Variants in WAC observed in about 807,000 individuals in gnomAD.
The protein encoded by WAC is WW domain containing adaptor with coiled-coil, also known as WW domain-containing adapter protein with coiled-coil.
In WAC, 11 loss-of-function variants were observed where a neutral mutation model predicts 79.6. The observed-to-expected ratio is 0.14, with a 90% CI of 0.09 to 0.23. The LOEUF (loss-of-function observed/expected upper bound fraction) is 0.23. Among genes scored for constraint, WAC ranks in the 10% least tolerant of loss-of-function variants. The pLI, the probability that WAC is intolerant of heterozygous loss-of-function variation, is 1.00. For missense variants in WAC, 728 were observed against 773.5 expected (o/e 0.94, Z 0.70); for synonymous variants, 304 against 276.9 (o/e 1.10, Z -0.97).
chr10:28,533,930 T>G, intron 1 of WAC, 68 bp from the exon 2 acceptor site: 1 of 1,573,122 alleles, frequency 6.4e-7, no homozygotes, highest in Admixed American at 1.8e-5. Context: ...GGGGGCCCCG[T>G]TTTCTTCCTC....
At chr10:28,612,342 A>G (rs1841281187) in intron 10 of WAC, among the ~76,000 whole-genome samples, 2 of 152,212 alleles carry the variant, frequency 1.3e-5, no homozygotes, top group African/African-American at 4.8e-5. Flanking sequence ...CGTGAGAATC[A>G]CTTGCTTTAT....
intron 4 of WAC, among the ~76,000 whole-genome samples, chr10:28,588,189 T>A (rs903297421): frequency 3.9e-5 from 6 of 152,088 alleles, no homozygotes; most frequent in African/African-American, 1.4e-4. Flanking sequence ...TGCATAATAA[T>A]TTATGTATAG....
chr10:28,595,877 C>T lies in WAC; in HGVS notation c.755C>T (p.Pro252Leu). ...SSTPVQHPIK[P>L]VVHPTATPST... is the part of the protein sequence containing the mutation. ...ACGCCAGTACAGCACCCCATCAAAC[C>T]AGTGGTTCATCCAACTGCTACCCCA... Residue 252 changes from proline to leucine, a missense_variant, in exon 7 of 14, where the codon CCA becomes CTA. Coordinates refer to ENST00000354911, the MANE Select transcript of WAC (RefSeq NM_016628.5). 12 of 1,614,130 alleles carry T rather than the reference C, an allele frequency of 7.4e-6. No individual in the cohort carries two copies. Among genetic ancestry groups the T allele is most frequent in the Non-Finnish European group, 1.0e-5 (12 of 1,179,992 alleles).
intron 3 of WAC, among the ~76,000 whole-genome samples, chr10:28,559,188 C>T (rs968639939): frequency 5.3e-5 from 7 of 131,230 alleles, no homozygotes; most frequent in Admixed American, 8.4e-5. Context: ...CTCTTGGGTG[C>T]GATAGTATAT....
chr10:28,593,266 G>A (rs1840189337), intron 6 of WAC, among the ~76,000 whole-genome samples: 1 of 152,080 alleles, frequency 6.6e-6, no homozygotes, highest in African/African-American at 2.4e-5. Context: ...AAACATATTG[G>A]CAGAGTGTTA....
intron 8 of WAC, among the ~76,000 whole-genome samples, chr10:28,609,671 C>T (rs944779330): frequency 6.6e-6 from 1 of 151,970 alleles, no homozygotes; most frequent in African/African-American, 2.4e-5. Flanking sequence ...CCACTTAAGC[C>T]CAGACCAGCC....
intron 3 of WAC, among the ~76,000 whole-genome samples, chr10:28,552,635 T>C (rs1291871650): frequency 6.6e-6 from 1 of 152,200 alleles, no homozygotes; most frequent in Admixed American, 6.5e-5. Context: ...TCTTTGAATA[T>C]TGACTGGATT....
At chr10:28,566,972 C>T (rs1270888692) in intron 3 of WAC, among the ~76,000 whole-genome samples, 1 of 149,438 alleles carries the variant, frequency 6.7e-6, no homozygotes, top group Non-Finnish European at 1.5e-5. Flanking sequence ...TTTTCAGGAC[C>T]TTCAGTTTTG....
At chr10:28,579,710 G>A (rs1044106741) in intron 3 of WAC, among the ~76,000 whole-genome samples, 3 of 152,130 alleles carry the variant, frequency 2.0e-5, no homozygotes, top group African/African-American at 7.2e-5. Context: ...TTCTACTTGT[G>A]TATTACTTCA....
chr10:28,540,762 A>G (rs894339155), intron 3 of WAC, among the ~76,000 whole-genome samples: 9 of 152,228 alleles, frequency 5.9e-5, no homozygotes, highest in African/African-American at 2.2e-4. Context: ...CTATGCAGAA[A>G]TGTTTGCATT....
intron 10 of WAC, among the ~76,000 whole-genome samples, chr10:28,612,546 A>C (rs1047264923): frequency 6.6e-6 from 1 of 152,070 alleles, no homozygotes; most frequent in Non-Finnish European, 1.5e-5. Flanking sequence ...ATGTAGGGGG[A>C]ATTTCTTTTG....
intron 3 of WAC, among the ~76,000 whole-genome samples, chr10:28,569,004 G>A (rs1012597731): frequency 6.6e-6 from 1 of 152,200 alleles, no homozygotes; most frequent in Admixed American, 6.5e-5. Context: ...CATTGTACAT[G>A]TGGAGTTGCT....
intron 4 of WAC, among the ~76,000 whole-genome samples, chr10:28,584,316 A>G (rs1261875602): frequency 6.6e-6 from 1 of 152,222 alleles, no homozygotes; most frequent in Admixed American, 6.5e-5. Context: ...ATACAAAGGA[A>G]TAGAGCTTGC....
At chr10:28,568,934 T>C (rs900184422) in intron 3 of WAC, among the ~76,000 whole-genome samples, 1 of 152,234 alleles carries the variant, frequency 6.6e-6, no homozygotes, top group Non-Finnish European at 1.5e-5. Context: ...AGAGAACATA[T>C]ATGTCCCTGT....
At chr10:28,605,010 TAAG>T (rs1332128380) in intron 7 of WAC, among the ~76,000 whole-genome samples, 1 of 152,224 alleles carries the variant, frequency 6.6e-6, no homozygotes, top group Non-Finnish European at 1.5e-5. Flanking sequence ...GCATGTAACA[TAAG>T]AAATATGTAA....
intron 9 of WAC, 64 bp downstream of exon 9, chr10:28,610,885 C>A: frequency 6.9e-7 from 1 of 1,446,076 alleles, no homozygotes; most frequent in South Asian, 1.5e-5. Flanking sequence ...AATTAATAGC[C>A]CTTTTTTGTA....
Position 28,541,392 on chromosome 10 carries a change from T to A in WAC, c.274+5635T>A, listed in dbSNP as rs1232563331. ...CAATTTGATAATTACAAAACCAATT[T>A]TTGTGGGGTTGTGTGTGTGTGTGTT... On this transcript the variant is annotated intron_variant, in intron 3 of 13. Transcript: ENST00000354911. Among the ~76,000 whole-genome samples, 3 of 150,538 alleles carry A rather than the reference T, an allele frequency of 2.0e-5. No individual in the cohort carries two copies. In the Admixed American group the frequency reaches 2.0e-4, roughly 10 times the overall value.
chr10:28,577,883 G>A (rs1437326467), intron 3 of WAC, among the ~76,000 whole-genome samples: 1 of 152,176 alleles, frequency 6.6e-6, no homozygotes, highest in Non-Finnish European at 1.5e-5. Flanking sequence ...ATTAAGCCAG[G>A]CATGGTGGCT....
At chr10:28,575,782 G>T (rs35712225) in intron 3 of WAC, among the ~76,000 whole-genome samples, 33,906 of 152,096 alleles carry the variant, frequency 0.22, 4,662 homozygotes, top group Non-Finnish European at 0.28. Flanking sequence ...TTCTGGTAGT[G>T]TCTTTTCAAA....
Sources: gnomAD v4.1 joint callset for allele counts (sites outside exome capture counted in the v4.1 genomes callset) on GRCh38, gnomAD v4.1.1 for gene constraint, MANE v1.5 for transcripts, NCBI Gene and HGNC (gene_info 2026-07-23, HGNC 2026-07-21) for gene names.